The following CDHR1 variants were observed in gnomAD, a reference collection of about 807,000 sequenced individuals.
CDHR1 encodes the protein cadherin related family member 1, also known as cadherin-related family member 1.
Under a neutral mutation model 72.1 loss-of-function variants are expected in CDHR1, and 61 were observed. The observed-to-expected ratio is 0.85, with a 90% CI of 0.69 to 1.05. The LOEUF (loss-of-function observed/expected upper bound fraction) is 1.05. CDHR1 is among the 50% of genes least tolerant of loss of function. CDHR1 has a pLI of 0.00. For synonymous variants in CDHR1, 470 were observed against 448.1 expected (o/e 1.05, Z -0.62); for missense variants, 1,186 against 1,115.7 (o/e 1.06, Z -0.90).
intron 15 of CDHR1, 112 bp downstream of exon 15, chr10:84,212,519 G>A (rs1246750158): frequency 4.9e-6 from 4 of 816,764 alleles, no homozygotes; most frequent in South Asian, 1.4e-5. Context: ...TCCCACCATG[G>A]ACAAAGGACT....
Position 84,216,823 on chromosome 10 carries a change from C to G in CDHR1, c.*2202C>G, listed in dbSNP as rs755686510. 38 of 985,410 alleles carry G rather than the reference C, an allele frequency of 3.9e-5. No individual in the cohort carries two copies. The highest frequency in any genetic ancestry group is 5.2e-5 in the African/African-American group (3 of 57,254). The allele number at this position is 985,410 out of a possible 1,614,324, so 61.0% of individuals were successfully genotyped here. The stretch of plus-strand genomic sequence containing the variant: ...ACCTGGAGCTAGAATTAATTGCCCA[C>G]TCTCCCACCCTACCAGTGCAGCCCG... On this transcript the variant is annotated 3_prime_UTR_variant, in exon 17 of 17. Transcript: ENST00000623527.
rs1173292179 is a variant in CDHR1, at chr10:84,215,390, A to T, written c.*769A>T. ...AGCTATAGAGGTAGCCCTAAAGGCA[A>T]CTAGAAGAGCATCAGGGCTGCTCTC... On this transcript the variant is annotated 3_prime_UTR_variant, in exon 17 of 17. Coordinates refer to ENST00000623527, the MANE Select transcript of CDHR1 (RefSeq NM_033100.4). The T allele has an allele frequency of 3.0e-6, 3 of 985,488 alleles. No homozygotes were observed. Among genetic ancestry groups the T allele is most frequent in the Non-Finnish European group, 3.6e-6 (3 of 830,092 alleles). 61.0% of individuals were successfully genotyped at this position (985,488 alleles called of 1,614,324 possible).
In CDHR1 at chr10:84,217,253, G is replaced by A; in HGVS notation, c.*2632G>A. The stretch of plus-strand genomic sequence containing the variant: ...AGAGCTCCAGGCTGGCACCATGGTA[G>A]GCCTCCAGGGAAAGAGCTGGGAGGC... On this transcript the variant is annotated 3_prime_UTR_variant, in exon 17 of 17. Coordinates refer to ENST00000623527, the MANE Select transcript of CDHR1 (RefSeq NM_033100.4). 1.0e-6 allele frequency: 1 copy of A among 985,556 alleles called. No individual in the cohort carries two copies. The highest frequency in any genetic ancestry group is 1.2e-6 in the Non-Finnish European group (1 of 830,014). 61.1% of individuals were successfully genotyped at this position (985,556 alleles called of 1,614,324 possible).
chr10:84,215,620 T>G lies in CDHR1; in HGVS notation c.*999T>G. ...AGGCCCTGTCTACCTCACATGCAGG[T>G]CTAGGGTGAGGATTGAAGAAAATAG... On this transcript the variant is annotated 3_prime_UTR_variant, in exon 17 of 17. Transcript: ENST00000623527. 1.1e-6 allele frequency: 1 copy of G among 937,074 alleles called. No individual in the cohort carries two copies. 58.0% of individuals were successfully genotyped at this position (937,074 alleles called of 1,614,324 possible). A position where few individuals can be genotyped will look rare whatever the true frequency, so the allele number is the denominator to read the frequency against.
chr10:84,210,847 G>A lies in CDHR1; in HGVS notation c.1321-154G>A, dbSNP rs1842316070. On this transcript the variant is annotated intron_variant, in intron 12 of 16. Coordinates refer to ENST00000623527, the MANE Select transcript of CDHR1 (RefSeq NM_033100.4). ...GTAGGGGAAGATGCCAGGCCTTAGA[G>A]GTGACCCTTACAGGAATAGCTGGTT... is the stretch of plus-strand genomic sequence containing the variant. Among the ~76,000 whole-genome samples the A allele has an allele frequency of 2.0e-5, 3 of 152,210 alleles. No individual in the cohort carries two copies. In the South Asian group the frequency reaches 6.2e-4, roughly 32 times the overall value.
downstream of CDHR1, chr10:84,219,235 C>T (rs7895270): frequency 0.25 from 383,253 of 1,548,478 alleles, 51,472 homozygotes; most frequent in African/African-American, 0.49. Flanking sequence ...TAATGTGAAT[C>T]TGTACTCTAG....
At chr10:84,201,704 C>T (rs2132802717) in intron 6 of CDHR1, 103 bp from the exon 7 acceptor site, 1 of 900,182 alleles carries the variant, frequency 1.1e-6, no homozygotes, top group South Asian at 1.4e-5. Flanking sequence ...CCCTGAGGTC[C>T]TGTAATGAGG....
At position 84,216,416 on chromosome 10, in the gene CDHR1, G is replaced by A; in HGVS notation, c.*1795G>A. 1 of 985,546 alleles carries A rather than the reference G, an allele frequency of 1.0e-6. No individual in the cohort carries two copies. The allele number at this position is 985,546 out of a possible 1,614,324, so 61.1% of individuals were successfully genotyped here. Reference sequence around the variant, plus strand: ...GTACTTTCCAGCCTGTGTTTCAGGAGAGGACTGTGCTGGATCATGCTTGCC... The same window carrying A: ...GTACTTTCCAGCCTGTGTTTCAGGAAAGGACTGTGCTGGATCATGCTTGCC... On this transcript the variant is annotated 3_prime_UTR_variant, in exon 17 of 17. Transcript: ENST00000623527.
intron 8 of CDHR1, 137 bp from the exon 9 acceptor site, chr10:84,204,390 C>A: frequency 1.4e-6 from 1 of 698,112 alleles, no homozygotes; most frequent in Non-Finnish European, 2.6e-6. Context: ...AGAGTAGGGC[C>A]ATGCTCCACC....
At chr10:84,210,971 A>G in intron 12 of CDHR1, 30 bp from the exon 13 acceptor site, 1 of 1,613,936 alleles carries the variant, frequency 6.2e-7, no homozygotes, top group Non-Finnish European at 8.5e-7. Flanking sequence ...GTGCCTACCC[A>G]GACAAGTCCC....
chr10:84,196,749 A>G lies in CDHR1; in HGVS notation c.297+99A>G, dbSNP rs570214662. On this transcript the variant is annotated intron_variant, in intron 3 of 16. Transcript: ENST00000623527. ...AGCACATTGGTTAGAACCTCTCCAC[A>G]GAGTAGGGGATGAGGGGGCACACCC... is the stretch of plus-strand genomic sequence containing the variant. 73 of 1,392,274 alleles carry G rather than the reference A, an allele frequency of 5.2e-5. 1 individual carries two copies. The South Asian group carries it at 7.5e-4, about 14-fold the overall frequency. 86.2% of individuals were successfully genotyped at this position (1,392,274 alleles called of 1,614,324 possible).
At chr10:84,199,187 C>G (rs1437723922) in intron 5 of CDHR1, 66 bp downstream of exon 5, 1 of 1,353,854 alleles carries the variant, frequency 7.4e-7, no homozygotes, top group Non-Finnish European at 1.0e-6. Flanking sequence ...CCTGGGGCTG[C>G]CCTGTGGCCT....
rs1175715891 is a variant in CDHR1, at chr10:84,215,815, G to C, written c.*1194G>C. On this transcript the variant is annotated 3_prime_UTR_variant, in exon 17 of 17. Transcript: ENST00000623527. ...GCTTAGGGGCTACCACTGGATGATG[G>C]CATTGCCGTGACTCACACACCTCTA... The C allele has an allele frequency of 1.2e-5, 12 of 985,402 alleles. No homozygotes were observed. The highest frequency in any genetic ancestry group is 1.4e-5 in the Non-Finnish European group (12 of 830,026). The allele number at this position is 985,402 out of a possible 1,614,324, so 61.0% of individuals were successfully genotyped here. A position where few individuals can be genotyped will look rare whatever the true frequency, so the allele number is the denominator to read the frequency against.
chr10:84,205,190 C>T (rs976694045), intron 9 of CDHR1, among the ~76,000 whole-genome samples: 1 of 152,140 alleles, frequency 6.6e-6, no homozygotes, highest in Non-Finnish European at 1.5e-5. Flanking sequence ...GCCAGGGCAT[C>T]GCATCTGGTG....
intron 4 of CDHR1, among the ~76,000 whole-genome samples, chr10:84,198,147 C>A (rs1029237751): frequency 6.6e-6 from 1 of 152,106 alleles, no homozygotes; most frequent in Non-Finnish European, 1.5e-5. Context: ...CCCTCCTGCT[C>A]AGTCACCTGA....
chr10:84,208,329 G>A lies in CDHR1; in HGVS notation c.1119G>A (p.Gln373=), dbSNP rs1334713935. 3 of 1,614,056 alleles carry A rather than the reference G, an allele frequency of 1.9e-6. No individual in the cohort carries two copies. Among genetic ancestry groups the A allele is most frequent in the East Asian group, 2.2e-5 (1 of 44,884 alleles). The change falls in exon 11 of 17, where the codon CAG becomes CAA. Residue 373 remains glutamine (Q), a synonymous_variant. Coordinates refer to ENST00000623527, the MANE Select transcript of CDHR1 (RefSeq NM_033100.4). ...TGTCCATGAATGAGCACCCACCCCA[G>A]GGAGAGATCCTGCGGGGCCTCAAGA... is the stretch of plus-strand genomic sequence containing the variant. ...FELSMNEHPP[Q]GEILRGLKIT... is the part of the protein sequence containing the mutation.
rs1010439411 is a variant in CDHR1, at chr10:84,197,791, A to G, written c.303A>G (p.Glu101=). The part of the protein sequence containing the change: ...TLVEELDRER[E]DEIEAIISIS... The stretch of plus-strand genomic sequence containing the variant: ...TCAGTCCCTGTGCTTCACAGAGGGA[A>G]GATGAGATTGAAGCCATCATCAGCA... The change falls in exon 4 of 17, where the codon GAA becomes GAG. Residue 101 remains glutamate (E), a synonymous_variant. Transcript: ENST00000623527. The G allele has an allele frequency of 6.2e-7, 1 of 1,613,852 alleles. No homozygotes were observed. The highest frequency in any genetic ancestry group is 1.3e-5 in the African/African-American group (1 of 74,934).
chr10:84,216,514 T>C lies in CDHR1; in HGVS notation c.*1893T>C. The C allele has an allele frequency of 1.0e-6, 1 of 985,528 alleles. No individual in the cohort carries two copies. The highest frequency in any genetic ancestry group is 1.2e-6 in the Non-Finnish European group (1 of 829,964). 61.0% of individuals were successfully genotyped at this position (985,528 alleles called of 1,614,324 possible). A position where few individuals can be genotyped will look rare whatever the true frequency, so the allele number is the denominator to read the frequency against. On this transcript the variant is annotated 3_prime_UTR_variant, in exon 17 of 17. Coordinates refer to ENST00000623527, the MANE Select transcript of CDHR1 (RefSeq NM_033100.4). ...TTTTGTAAATGGAAAATAAAGTCTG[T>C]TACCCAAAGGCCATGCTGATCCCCT...
At chr10:84,204,825 C>T (rs924991271) in intron 9 of CDHR1, among the ~76,000 whole-genome samples, 5 of 152,152 alleles carry the variant, frequency 3.3e-5, no homozygotes, top group African/African-American at 1.2e-4. Context: ...GGGGCAGGGG[C>T]GCTGAGAGCA....
Sources: allele counts gnomAD v4.1 joint callset (sites outside exome capture counted in the v4.1 genomes callset), GRCh38; gene constraint gnomAD v4.1.1; transcripts MANE v1.5; gene names NCBI Gene and HGNC (gene_info 2026-07-23, HGNC 2026-07-21).